PID1: variants seen among roughly 807,000 people sequenced by gnomAD.
The protein encoded by PID1 is phosphotyrosine interaction domain containing 1, also known as PTB-containing, cubilin and LRP1-interacting protein.
In PID1, 10 loss-of-function variants were observed where a neutral mutation model predicts 19.1. The observed-to-expected ratio is 0.52, with a 90% confidence interval of 0.32 to 0.89. The LOEUF (loss-of-function observed/expected upper bound fraction) is 0.89, where lower values mean the gene tolerates loss of function less well. Ranked by LOEUF, PID1 falls within the 40% of genes least tolerant of loss-of-function variation. The pLI is 0.03. For missense variants in PID1, 248 were observed against 285.3 expected, an observed-to-expected ratio of 0.87 and a Z score of 0.94; for synonymous variants, 130 against 116.0, an observed-to-expected ratio of 1.12 and a Z score of -0.78.
intron 1 of PID1, among the ~76,000 whole-genome samples, chr2:229,161,273 C>T (rs1036406396): frequency 1.3e-5 from 2 of 152,070 alleles, no homozygotes; most frequent in Admixed American, 1.3e-4. Context: ...CACACTGAGA[C>T]AAGGAAAGAC....
chr2:229,063,341 A>C (rs768355787), intron 2 of PID1, among the ~76,000 whole-genome samples: 2 of 151,960 alleles, frequency 1.3e-5, no homozygotes, highest in Non-Finnish European at 1.5e-5. Context: ...ATTTGTCTCA[A>C]GATGTTTTTT....
chr2:229,052,518 G>C (rs1694016190), intron 2 of PID1, among the ~76,000 whole-genome samples: 1 of 150,860 alleles, frequency 6.6e-6, no homozygotes, highest in Admixed American at 6.7e-5. Context: ...CCACCTAACT[G>C]TTATTTTTGA....
At chr2:229,090,713 A>T (rs1278351753) in intron 2 of PID1, among the ~76,000 whole-genome samples, 1 of 152,208 alleles carries the variant, frequency 6.6e-6, no homozygotes, top group Non-Finnish European at 1.5e-5. Context: ...GATGCAATGG[A>T]AGCCAGGCAA....
At chr2:229,161,890 AT>A (rs1312012687) in intron 1 of PID1, among the ~76,000 whole-genome samples, 1 of 152,242 alleles carries the variant, frequency 6.6e-6, no homozygotes, top group Non-Finnish European at 1.5e-5. Flanking sequence ...AAAATGTTAT[AT>A]TAGCCATGTC....
intron 2 of PID1, among the ~76,000 whole-genome samples, chr2:229,088,240 T>C (rs1482945977): frequency 1.3e-5 from 2 of 152,160 alleles, no homozygotes; most frequent in African/African-American, 4.8e-5. Context: ...CAACAATTTT[T>C]TGGGTTTCGG....
At chr2:229,194,377 G>C (rs1300702653) in intron 1 of PID1, among the ~76,000 whole-genome samples, 1 of 151,694 alleles carries the variant, frequency 6.6e-6, no homozygotes, top group Non-Finnish European at 1.5e-5. Flanking sequence ...GAAAGACAAT[G>C]TCATTCTAAA....
intron 1 of PID1, among the ~76,000 whole-genome samples, chr2:229,213,082 A>ATGG (rs1691773385): frequency 6.6e-6 from 1 of 152,192 alleles, no homozygotes; most frequent in African/African-American, 2.4e-5. Context: ...AGCGAGAAAA[A>ATGG]TGGAGGAGTT....
Position 229,025,143 on chromosome 2 carries a change from C to T in PID1, c.*489G>A, listed in dbSNP as rs79070675. On this transcript the variant is annotated 3_prime_UTR_variant, in exon 3 of 3. Coordinates refer to ENST00000392055, the MANE Select transcript of PID1 (RefSeq NM_001100818.2). ...TTTGCATACAGAGGAGGGCATCTGC[C>T]GTGGGAGAGGAACAGAGGGCCCTCC... 0.019 allele frequency: 3,000 copies of T among 161,054 alleles called. 101 individuals are homozygous for T. Among genetic ancestry groups the T allele is most frequent in the African/African-American group, 0.066 (2,735 of 41,610 alleles). 10.0% of individuals were successfully genotyped at this position (161,054 alleles called of 1,614,324 possible).
At chr2:229,029,822 A>G (rs1349434870) in intron 2 of PID1, among the ~76,000 whole-genome samples, 2 of 147,258 alleles carry the variant, frequency 1.4e-5, no homozygotes, top group Admixed American at 1.4e-4. Context: ...CCTGGGTGAC[A>G]GAGTGACACT....
intron 2 of PID1, among the ~76,000 whole-genome samples, chr2:229,082,521 G>T (rs113874955): frequency 6.6e-5 from 10 of 152,152 alleles, no homozygotes; most frequent in African/African-American, 1.7e-4. Context: ...TTTAAAAACC[G>T]AAAATTTTCT....
At chr2:229,071,519 T>G (rs1694452253) in intron 2 of PID1, among the ~76,000 whole-genome samples, 1 of 152,184 alleles carries the variant, frequency 6.6e-6, no homozygotes, top group Admixed American at 6.5e-5. Context: ...AATTTACAAA[T>G]AGAGGAAACA....
chr2:229,170,678 G>A (rs948662987), intron 1 of PID1, among the ~76,000 whole-genome samples: 1 of 152,112 alleles, frequency 6.6e-6, no homozygotes, highest in Non-Finnish European at 1.5e-5. Context: ...AAAGTTTAAT[G>A]TAAGTGATTT....
chr2:229,146,744 G>A (rs561370082), intron 2 of PID1, among the ~76,000 whole-genome samples: 2 of 152,108 alleles, frequency 1.3e-5, no homozygotes, highest in East Asian at 1.9e-4. Flanking sequence ...ATTATCCAAC[G>A]GGCACTAAGT....
intron 2 of PID1, among the ~76,000 whole-genome samples, chr2:229,032,533 C>A (rs1216239799): frequency 6.6e-6 from 1 of 152,172 alleles, no homozygotes; most frequent in African/African-American, 2.4e-5. Flanking sequence ...AAATTGGTCA[C>A]AAAATGTGTC....
intron 1 of PID1, among the ~76,000 whole-genome samples, chr2:229,224,199 CAAAGAAAAGGGAATGTT>C (rs1344188973): frequency 2.0e-5 from 3 of 152,100 alleles, no homozygotes; most frequent in African/African-American, 7.2e-5. Flanking sequence ...GGCGATGATG[CAAAGAAAAGGGAATGTT>C]TATACACTGT....
At chr2:229,164,908 T>C (rs1690568500) in intron 1 of PID1, among the ~76,000 whole-genome samples, 2 of 152,158 alleles carry the variant, frequency 1.3e-5, no homozygotes, top group Non-Finnish European at 1.5e-5. Flanking sequence ...TCAGAGGGTC[T>C]CCTTAAATAT....
intron 2 of PID1, among the ~76,000 whole-genome samples, chr2:229,122,884 A>C (rs570310945): frequency 8.5e-5 from 13 of 152,268 alleles, no homozygotes; most frequent in African/African-American, 3.1e-4. Flanking sequence ...CCTTGGACAG[A>C]TACTGGAACC....
At chr2:229,148,545 A>C (rs6436856) in intron 2 of PID1, among the ~76,000 whole-genome samples, 20,907 of 152,082 alleles carry the variant, frequency 0.14, 1,754 homozygotes, top group East Asian at 0.29. Context: ...TTTTCAAAAT[A>C]TTCCTTTTCC....
chr2:229,078,008 T>C (rs528405928), intron 2 of PID1, among the ~76,000 whole-genome samples: 29 of 152,330 alleles, frequency 1.9e-4, no homozygotes, highest in Non-Finnish European at 7.3e-5. Context: ...TGATTCTTCC[T>C]ATCCACAAGC....
Sources: allele counts gnomAD v4.1 joint callset (sites outside exome capture counted in the v4.1 genomes callset), GRCh38; gene constraint gnomAD v4.1.1; transcripts MANE v1.5; gene names NCBI Gene and HGNC (gene_info 2026-07-23, HGNC 2026-07-21).